ZNF385D: variants seen among roughly 807,000 people sequenced by gnomAD.
ZNF385D encodes zinc finger protein 385D, also known as zinc finger protein 659.
A neutral mutation model predicts 35.8 loss-of-function variants in ZNF385D; 15 were observed. The observed-to-expected ratio is 0.42, with a 90% CI of 0.28 to 0.64. ZNF385D has a LOEUF of 0.64. Ranked by LOEUF, ZNF385D falls within the 30% of genes least tolerant of loss-of-function variation. The pLI, the probability that ZNF385D is intolerant of heterozygous loss-of-function variation, is 0.23. For missense variants in ZNF385D, 474 were observed against 494.6 expected (o/e 0.96, Z 0.39); for synonymous variants, 212 against 186.8 (o/e 1.13, Z -1.10).
chr3:22,118,054 A>G (rs547205849), intron 3 of ZNF385D, among the ~76,000 whole-genome samples: 8 of 152,240 alleles, frequency 5.3e-5, no homozygotes, highest in African/African-American at 1.4e-4. Flanking sequence ...GCACAATTAA[A>G]TAAGTATTTT....
chr3:22,345,022 G>A (rs572371277), intron 2 of ZNF385D, among the ~76,000 whole-genome samples: 1 of 152,220 alleles, frequency 6.6e-6, no homozygotes, highest in South Asian at 2.1e-4. Context: ...ACCTTATTCT[G>A]AGAAACTCTA....
At chr3:22,079,115 C>A (rs1242063217) in intron 3 of ZNF385D, among the ~76,000 whole-genome samples, 2 of 151,914 alleles carry the variant, frequency 1.3e-5, no homozygotes, top group Non-Finnish European at 2.9e-5. Flanking sequence ...TAGGAATAAA[C>A]AGAATGAGTA....
At chr3:21,916,323 A>G (rs1478980212) in intron 3 of ZNF385D, among the ~76,000 whole-genome samples, 2 of 152,144 alleles carry the variant, frequency 1.3e-5, no homozygotes. Flanking sequence ...ATCTTATTTT[A>G]CTATTTAATT....
intron 3 of ZNF385D, among the ~76,000 whole-genome samples, chr3:22,049,655 C>G (rs768854694): frequency 6.6e-6 from 1 of 152,136 alleles, no homozygotes; most frequent in Non-Finnish European, 1.5e-5. Flanking sequence ...GTGGACTTAT[C>G]ATATATGGCC....
intron 2 of ZNF385D, among the ~76,000 whole-genome samples, chr3:21,657,044 A>G (rs1485248213): frequency 2.6e-5 from 4 of 151,906 alleles, no homozygotes; most frequent in Non-Finnish European, 2.9e-5. Flanking sequence ...TACATAAAGG[A>G]TATCTATATA....
chr3:21,861,532 A>G (rs865908578), intron 3 of ZNF385D, among the ~76,000 whole-genome samples: 3 of 152,230 alleles, frequency 2.0e-5, no homozygotes, highest in South Asian at 2.1e-4. Flanking sequence ...TTACCAATAT[A>G]TAACTGATCT....
intron 3 of ZNF385D, among the ~76,000 whole-genome samples, chr3:22,043,901 A>C (rs1441608626): frequency 6.6e-6 from 1 of 152,142 alleles, no homozygotes; most frequent in African/African-American, 2.4e-5. Flanking sequence ...TAAGCAAAGA[A>C]GTGAGGGAGG....
intron 1 of ZNF385D, among the ~76,000 whole-genome samples, chr3:21,712,260 A>T (rs996840322): frequency 6.6e-6 from 1 of 152,152 alleles, no homozygotes; most frequent in South Asian, 2.1e-4. Flanking sequence ...GTACACGTCT[A>T]CTTCTAAGCC....
chr3:21,650,156 G>A (rs1328792533), intron 2 of ZNF385D, among the ~76,000 whole-genome samples: 1 of 152,082 alleles, frequency 6.6e-6, no homozygotes, highest in Admixed American at 6.5e-5. Flanking sequence ...TGGAAAATGT[G>A]ACCAGAGTAA....
chr3:21,533,582 C>T (rs1384005472), intron 3 of ZNF385D, among the ~76,000 whole-genome samples: 2 of 152,018 alleles, frequency 1.3e-5, no homozygotes, highest in Non-Finnish European at 1.5e-5. Context: ...GATACCTGAA[C>T]AGCAATTCAA....
chr3:21,612,237 A>C (rs1475803674), intron 2 of ZNF385D, among the ~76,000 whole-genome samples: 1 of 151,916 alleles, frequency 6.6e-6, no homozygotes, highest in East Asian at 1.9e-4. Flanking sequence ...GGCACACACC[A>C]CCATGCCCCG....
At chr3:21,842,742 G>A (rs578183202) in intron 3 of ZNF385D, among the ~76,000 whole-genome samples, 1 of 152,058 alleles carries the variant, frequency 6.6e-6, no homozygotes, top group African/African-American at 2.4e-5. Flanking sequence ...TGGTAGAGAA[G>A]TACAATACTT....
intron 3 of ZNF385D, among the ~76,000 whole-genome samples, chr3:21,929,912 A>C (rs1700917622): frequency 6.6e-6 from 1 of 152,096 alleles, no homozygotes; most frequent in African/African-American, 2.4e-5. Context: ...CCTTTATCAA[A>C]ATCTCAGCTG....
At chr3:22,364,395 C>T (rs1300726982) in intron 2 of ZNF385D, among the ~76,000 whole-genome samples, 3 of 151,918 alleles carry the variant, frequency 2.0e-5, no homozygotes, top group Non-Finnish European at 4.4e-5. Context: ...ACATGGAACT[C>T]CTAAAATGCA....
intron 3 of ZNF385D, among the ~76,000 whole-genome samples, chr3:22,107,030 T>TTTTTTTTTTG (rs1702256485): frequency 6.8e-6 from 1 of 146,766 alleles, no homozygotes; most frequent in Admixed American, 6.8e-5. Context: ...ATGAGAGTTT[T>TTTTTTTTTTG]TTTTTTTTTT....
chr3:22,317,540 A>G (rs931306536), intron 2 of ZNF385D, among the ~76,000 whole-genome samples: 1 of 151,468 alleles, frequency 6.6e-6, no homozygotes, highest in African/African-American at 2.4e-5. Flanking sequence ...TCCACCCCTC[A>G]CCCTCCTATA....
chr3:22,004,384 G>C (rs1300982150), intron 3 of ZNF385D, among the ~76,000 whole-genome samples: 1 of 151,550 alleles, frequency 6.6e-6, no homozygotes, highest in Non-Finnish European at 1.5e-5. Flanking sequence ...AAAGTATTAT[G>C]GCCTAGACTT....
At chr3:22,142,905 T>G (rs1177546479) in intron 3 of ZNF385D, among the ~76,000 whole-genome samples, 2 of 152,130 alleles carry the variant, frequency 1.3e-5, no homozygotes, top group African/African-American at 4.8e-5. Context: ...ATAGTAACCC[T>G]CACTATTAAC....
chr3:21,841,858 C>A (rs1199955724), intron 3 of ZNF385D, among the ~76,000 whole-genome samples: 1 of 151,450 alleles, frequency 6.6e-6, no homozygotes, highest in Admixed American at 6.6e-5. Flanking sequence ...TGCCTTTATA[C>A]TTTTTTTGTT....
Sources: gnomAD v4.1 joint callset for allele counts (sites outside exome capture counted in the v4.1 genomes callset) on GRCh38, gnomAD v4.1.1 for gene constraint, MANE v1.5 for transcripts, NCBI Gene and HGNC (gene_info 2026-07-23, HGNC 2026-07-21) for gene names.